GLYATL2: variants seen among roughly 807,000 people sequenced by gnomAD.
GLYATL2 encodes glycine N-acyltransferase-like protein 2.
A neutral mutation model predicts 21.4 loss-of-function variants in GLYATL2; 25 were observed. That is an observed-to-expected ratio of 1.17 (90% CI 0.85 to 1.63). The LOEUF is 1.63. Ranked by LOEUF, GLYATL2 falls within the 40% of genes most tolerant of loss-of-function variation. The pLI is 0.00. For missense variants in GLYATL2, 361 were observed against 343.3 expected (o/e 1.05, Z -0.41); for synonymous variants, 114 against 118.2 (o/e 0.96, Z 0.23).
chr11:58,901,328 T>C (rs1490913907), intron 1 of GLYATL2, among the ~76,000 whole-genome samples: 5 of 152,220 alleles, frequency 3.3e-5, no homozygotes, highest in South Asian at 2.1e-4. Flanking sequence ...AATAAGATTT[T>C]CATGCATCAT....
chr11:58,903,196 G>T (rs981670703), intron 1 of GLYATL2, among the ~76,000 whole-genome samples: 1 of 152,156 alleles, frequency 6.6e-6, no homozygotes, highest in Non-Finnish European at 1.5e-5. Context: ...CTCTGGAATT[G>T]GTGTACAGCA....
intron 1 of GLYATL2, among the ~76,000 whole-genome samples, chr11:58,860,043 G>C (rs2134593808): frequency 6.6e-6 from 1 of 152,218 alleles, no homozygotes. Flanking sequence ...TTTGAAGTTA[G>C]GTAGTGTGAT....
chr11:58,835,233 A>G (rs968799984), intron 5 of GLYATL2, among the ~76,000 whole-genome samples: 2 of 152,232 alleles, frequency 1.3e-5, no homozygotes, highest in African/African-American at 4.8e-5. Flanking sequence ...ATCACAAGAT[A>G]TCTAAATATA....
At chr11:58,872,420 A>C (rs932099029) in intron 1 of GLYATL2, among the ~76,000 whole-genome samples, 1 of 152,166 alleles carries the variant, frequency 6.6e-6, no homozygotes, top group Non-Finnish European at 1.5e-5. Context: ...GGTTTTAGGT[A>C]TAACATGTAA....
At chr11:58,869,860 G>T (rs947603629) in intron 1 of GLYATL2, among the ~76,000 whole-genome samples, 1 of 152,168 alleles carries the variant, frequency 6.6e-6, no homozygotes, top group African/African-American at 2.4e-5. Context: ...AGGTACCAGA[G>T]TTTAGCACAG....
chr11:58,888,360 T>C (rs1854479252), intron 1 of GLYATL2, among the ~76,000 whole-genome samples: 1 of 152,084 alleles, frequency 6.6e-6, no homozygotes. Flanking sequence ...AGTTTTTGTT[T>C]TTTTTATTAA....
chr11:58,906,084 C>T (rs1470010578), upstream of GLYATL2, among the ~76,000 whole-genome samples: 1 of 152,208 alleles, frequency 6.6e-6, no homozygotes, highest in African/African-American at 2.4e-5. Flanking sequence ...CTAGCACGTG[C>T]ACTGTCTGGT....
chr11:58,899,828 T>TAC (rs758763344), intron 1 of GLYATL2, among the ~76,000 whole-genome samples: 10 of 152,086 alleles, frequency 6.6e-5, no homozygotes, highest in East Asian at 1.9e-4. Context: ...TATATATATA[T>TAC]ACACACACAT....
chr11:58,845,277 T>A (rs1853622488), upstream of GLYATL2, among the ~76,000 whole-genome samples: 1 of 152,120 alleles, frequency 6.6e-6, no homozygotes, highest in African/African-American at 2.4e-5. Context: ...TTTGAAGACA[T>A]TGAGATTAAA....
Position 58,837,053 on chromosome 11 carries a change from A to T in GLYATL2, c.438T>A (p.Asn146Lys). 6.2e-7 allele frequency: 1 copy of T among 1,613,720 alleles called. No individual in the cohort carries two copies. The highest frequency in any genetic ancestry group is 8.5e-7 in the Non-Finnish European group (1 of 1,179,706). The change falls in exon 5 of 6, where the codon AAT becomes AAA. Residue 146 changes from asparagine (N) to lysine (K), a missense_variant. Coordinates refer to ENST00000287275, the MANE Select transcript of GLYATL2 (RefSeq NM_145016.4). ...ELPKKHKTSS[N>K]DKMELFEVDD... The stretch of plus-strand genomic sequence containing the variant: ...CCACTTCAAATAACTCCATCTTGTC[A>T]TTACTTGAGGTCTTGTGTTTCTTTG...
chr11:58,847,401 C>T (rs530571073), upstream of GLYATL2, among the ~76,000 whole-genome samples: 27 of 152,156 alleles, frequency 1.8e-4, no homozygotes, highest in Non-Finnish European at 3.8e-4. Context: ...TCTTGACATC[C>T]CCAATTGCAG....
rs531991058 is a variant in GLYATL2 at position 58,890,823 on chromosome 11, A to T, written n.60+13333T>A. 2.0e-5 allele frequency among the ~76,000 whole-genome samples: 3 copies of T among 151,642 alleles called. No homozygotes were observed. The East Asian group carries it at 5.8e-4, about 29-fold the overall frequency. On this transcript the variant is annotated intron_variant and non_coding_transcript_variant, in intron 1 of 4. Transcript: ENST00000533636. ...TTTCCTTTTTCTCTTGTATTTCCTT[A>T]AAATGACTTACCAGAAGTATGTCCC...
chr11:58,878,398 A>C (rs1221505565), intron 1 of GLYATL2: 1 of 586,048 alleles, frequency 1.7e-6, no homozygotes, highest in Non-Finnish European at 2.5e-6. Context: ...TCCCTCTCGC[A>C]TTTTGGATCT....
At chr11:58,835,125 T>C (rs1853405347) in intron 5 of GLYATL2, among the ~76,000 whole-genome samples, 1 of 152,122 alleles carries the variant, frequency 6.6e-6, no homozygotes, top group Non-Finnish European at 1.5e-5. Flanking sequence ...TGAACACATG[T>C]CCCTAAAAGA....
chr11:58,885,743 G>GT (rs2134616922), intron 1 of GLYATL2, among the ~76,000 whole-genome samples: 1 of 152,332 alleles, frequency 6.6e-6, no homozygotes, highest in East Asian at 1.9e-4. Context: ...GGGAAAAGGG[G>GT]TGGAGGGGGA....
intron 1 of GLYATL2, among the ~76,000 whole-genome samples, chr11:58,853,476 T>C (rs1853775951): frequency 6.6e-6 from 1 of 152,022 alleles, no homozygotes. Flanking sequence ...TCACTGGGGG[T>C]CCTGGAACCA....
Position 58,834,572 on chromosome 11 carries a change from A to T in GLYATL2, c.742T>A (p.Tyr248Asn), listed in dbSNP as rs199844040. 4 of 1,613,902 alleles carry T rather than the reference A, an allele frequency of 2.5e-6. No homozygotes were observed. The South Asian group carries it at 4.4e-5, about 18-fold the overall frequency. ...AATGGGATTTCTTTCTGAGAAAGAT[A>T]CTTTTCAAGATGATAACCAATTTGC... is the stretch of plus-strand genomic sequence containing the variant. Reference protein sequence around the residue: ...MLQIGYHLEKYLSQKEIPFYF... With the variant: ...MLQIGYHLEKNLSQKEIPFYF... The change falls in exon 6 of 6, where the codon TAT becomes AAT. Residue 248 changes from tyrosine to asparagine, a missense_variant. Physicochemically the swap from Tyr to Asn is moderately radical, Grantham distance 143. Coordinates refer to ENST00000287275, the MANE Select transcript of GLYATL2 (RefSeq NM_145016.4).
At chr11:58,890,353 A>G (rs1854519493) in intron 1 of GLYATL2, among the ~76,000 whole-genome samples, 1 of 152,154 alleles carries the variant, frequency 6.6e-6, no homozygotes, top group Non-Finnish European at 1.5e-5. Context: ...CAATCTACCA[A>G]AATGACACAT....
intron 1 of GLYATL2, among the ~76,000 whole-genome samples, chr11:58,876,676 G>A (rs1455716459): frequency 6.6e-6 from 1 of 152,180 alleles, no homozygotes; most frequent in Non-Finnish European, 1.5e-5. Flanking sequence ...GTACCTGGCT[G>A]TGTGAGGTGT....
Sources: allele counts gnomAD v4.1 joint callset (sites outside exome capture counted in the v4.1 genomes callset), GRCh38; gene constraint gnomAD v4.1.1; transcripts MANE v1.5; gene names NCBI Gene and HGNC (gene_info 2026-07-23, HGNC 2026-07-21).